The following ACSF3 variants were observed in gnomAD, a reference collection of about 807,000 sequenced individuals.
ACSF3 encodes the protein acyl-CoA synthetase family member 3.
In ACSF3, 78 loss-of-function variants were observed where a neutral mutation model predicts 53.2. That is an observed-to-expected ratio of 1.47 (90% CI 1.22 to 1.77). The LOEUF (loss-of-function observed/expected upper bound fraction) is 1.77, where lower values mean the gene tolerates loss of function less well. Ranked by LOEUF, ACSF3 falls within the 40% of genes most tolerant of loss-of-function variation. ACSF3 has a pLI of 0.00. For missense variants in ACSF3, 937 were observed against 771.1 expected (o/e 1.22, Z -2.55); for synonymous variants, 414 against 333.1 (o/e 1.24, Z -2.65).
intron 7 of ACSF3, among the ~76,000 whole-genome samples, chr16:89,124,091 T>TGAAC (rs1907370518): frequency 2.6e-4 from 1 of 3,888 alleles, no homozygotes; most frequent in African/African-American, 1.1e-3. Context: ...AGTGTGCGCA[T>TGAAC]GGGTATCACA....
In ACSF3 at chr16:89,154,109, G is replaced by T. The variant is rs911570704; in HGVS notation, c.1633G>T (p.Ala545Ser). 6.2e-7 allele frequency: 1 copy of T among 1,613,144 alleles called. No individual in the cohort carries two copies. The highest frequency in any genetic ancestry group is 8.5e-7 in the Non-Finnish European group (1 of 1,179,648). ...EWARNVLAPY[A>S]VPSELVLVEE... ...CTGCAGAAATGTCCTGGCCCCGTAC[G>T]CGGTGCCCTCGGAGCTGGTGCTGGT... Residue 545 changes from alanine (A) to serine (S), a missense_variant, in exon 11 of 11, where the codon GCG (alanine) becomes TCG (serine). Ala to Ser is a moderately conservative substitution (Grantham distance 99). Transcript: ENST00000614302.
At chr16:89,152,173 CCT>C (rs747449622) in intron 10 of ACSF3, 9 of 152,286 alleles carry the variant, frequency 5.9e-5, no homozygotes, top group South Asian at 2.1e-4. Flanking sequence ...GAGTTTGTCC[CCT>C]GTTAGAAACC....
At chr16:89,112,992 C>A (rs932989340) in intron 5 of ACSF3, among the ~76,000 whole-genome samples, 1 of 152,124 alleles carries the variant, frequency 6.6e-6, no homozygotes, top group African/African-American at 2.4e-5. Context: ...TTTGGGCCAC[C>A]CAGGGGCGTG....
At position 89,102,638 on chromosome 16, in the gene ACSF3, A is replaced by T. The variant is rs763367217; in HGVS notation, c.701A>T (p.Lys234Ile). The part of the protein sequence containing the change: ...TGLVHKWAWT[K>I]DDVILHVLPL... Reference sequence around the variant, plus strand: ...CTGGTCCACAAGTGGGCATGGACCAAAGACGACGTGATCCTCCACGTGCTC... The same window carrying T: ...CTGGTCCACAAGTGGGCATGGACCATAGACGACGTGATCCTCCACGTGCTC... Residue 234 changes from lysine to isoleucine, a missense_variant, in exon 4 of 11, where the codon AAA becomes ATA. Physicochemically the swap from Lys to Ile is moderately radical, Grantham distance 102. Transcript: ENST00000614302. The T allele has an allele frequency of 5.6e-6, 9 of 1,613,662 alleles. No individual in the cohort carries two copies. Among genetic ancestry groups the T allele is most frequent in the Non-Finnish European group, 7.6e-6 (9 of 1,180,024 alleles).
At position 89,155,204 on chromosome 16, in the gene ACSF3, C is replaced by A. The variant is rs1738124544; in HGVS notation, c.*997C>A. 1 of 454,172 alleles carries A rather than the reference C, an allele frequency of 2.2e-6. No individual in the cohort carries two copies. 28.1% of individuals were successfully genotyped at this position (454,172 alleles called of 1,614,324 possible). On this transcript the variant is annotated 3_prime_UTR_variant, in exon 11 of 11. Coordinates refer to ENST00000614302, the MANE Select transcript of ACSF3 (RefSeq NM_001243279.3). Reference sequence around the variant, plus strand: ...GACAATTTTCAGAAGAATAGGCTGCCTCCTCCCCACAGCCTGGGGGAAGTA... The same window carrying A: ...GACAATTTTCAGAAGAATAGGCTGCATCCTCCCCACAGCCTGGGGGAAGTA...
At chr16:89,103,595 G>A (rs1158250065) in intron 4 of ACSF3, among the ~76,000 whole-genome samples, 2 of 152,254 alleles carry the variant, frequency 1.3e-5, no homozygotes, top group Non-Finnish European at 1.5e-5. Flanking sequence ...TCCCACCACT[G>A]CGAGAGGTGA....
In ACSF3 at chr16:89,155,982, G is replaced by T. The variant is rs1914665116; in HGVS notation, c.*1775G>T. 4 of 361,188 alleles carry T rather than the reference G, an allele frequency of 1.1e-5. No individual in the cohort carries two copies. The highest frequency in any genetic ancestry group is 2.1e-5 in the South Asian group (1 of 46,656). 22.4% of individuals were successfully genotyped at this position (361,188 alleles called of 1,614,324 possible). On this transcript the variant is annotated 3_prime_UTR_variant, in exon 11 of 11. Transcript: ENST00000614302. ...GCTCGTTGACCACAAACTACAGAAA[G>T]CCTGGAGCTCGTTGACCAGCCGGTT...
intron 1 of ACSF3, among the ~76,000 whole-genome samples, chr16:89,096,096 G>A (rs1974584399): frequency 6.6e-6 from 1 of 152,096 alleles, no homozygotes; most frequent in Non-Finnish European, 1.5e-5. Context: ...GTTTTCAGTG[G>A]TTCCAGTACG....
At chr16:89,125,539 C>A (rs1235239370) in intron 7 of ACSF3, among the ~76,000 whole-genome samples, 1 of 151,424 alleles carries the variant, frequency 6.6e-6, no homozygotes, top group Non-Finnish European at 1.5e-5. Flanking sequence ...ACTGAAAATA[C>A]AGTTAGCCAG....
At chr16:89,124,521 ATG>A (rs530156001) in intron 7 of ACSF3, among the ~76,000 whole-genome samples, 163 of 151,204 alleles carry the variant, frequency 1.1e-3, no homozygotes, top group Non-Finnish European at 1.7e-3. Context: ...TGCTGCATGT[ATG>A]TGTGTGTGTT....
chr16:89,105,919 G>A (rs7342792), intron 4 of ACSF3, among the ~76,000 whole-genome samples: 3 of 152,230 alleles, frequency 2.0e-5, no homozygotes, highest in Non-Finnish European at 2.9e-5. Flanking sequence ...GCGCAGGCCA[G>A]CTGTCAAGGA....
chr16:89,109,589 T>G (rs1976446588), intron 4 of ACSF3, among the ~76,000 whole-genome samples: 1 of 151,862 alleles, frequency 6.6e-6, no homozygotes. Context: ...TTTTTTGTAT[T>G]TTTATAGAGA....
At position 89,112,392 on chromosome 16, in the gene ACSF3, G is replaced by GTCTCTACC. The variant is rs1270113848; in HGVS notation, c.977+153_977+160dup. ...GTTCCCTCTCTCTCTACCCGTCTCC[G>GTCTCTACC]TCTCTACCTCTCTAACTGTCTCTCT... is the stretch of plus-strand genomic sequence containing the variant. On this transcript the variant is annotated intron_variant, in intron 5 of 10. Transcript: ENST00000614302. 5 of 1,037,190 alleles carry GTCTCTACC rather than the reference G, an allele frequency of 4.8e-6. No homozygotes were observed. The African/African-American group carries it at 8.0e-5, about 17-fold the overall frequency. 64.2% of individuals were successfully genotyped at this position (1,037,190 alleles called of 1,614,324 possible). A position where few individuals can be genotyped will look rare whatever the true frequency, so the allele number is the denominator to read the frequency against.
intron 2 of ACSF3, among the ~76,000 whole-genome samples, chr16:89,099,780 TTAGA>T (rs144555049): frequency 7.3e-5 from 11 of 150,304 alleles, no homozygotes; most frequent in South Asian, 6.3e-4. Flanking sequence ...AGACTGCATC[TTAGA>T]TAGATAGATA....
chr16:89,136,245 T>C (rs1001582573), intron 8 of ACSF3, among the ~76,000 whole-genome samples: 1 of 152,264 alleles, frequency 6.6e-6, no homozygotes, highest in Non-Finnish European at 1.5e-5. Context: ...TCGCCAGTGC[T>C]GAGGCATGTT....
At chr16:89,150,775 C>G (rs999901104) in intron 10 of ACSF3, 2 of 359,306 alleles carry the variant, frequency 5.6e-6, no homozygotes, top group Non-Finnish European at 1.1e-5. Flanking sequence ...GCTGTCCAGG[C>G]CACTTGCTGT....
chr16:89,151,416 C>CCTG, intron 10 of ACSF3: 1 of 334,820 alleles, frequency 3.0e-6, no homozygotes, highest in South Asian at 2.4e-5. Flanking sequence ...CAGCACTACC[C>CCTG]TGAAATCAAA....
chr16:89,093,987 C>G lies in ACSF3; in HGVS notation c.-203C>G. On this transcript the variant is annotated 5_prime_UTR_variant, in exon 1 of 11. Coordinates refer to ENST00000614302, the MANE Select transcript of ACSF3 (RefSeq NM_001243279.3). ...GCAGATCCTGCCCCGTGGCCGCGGC[C>G]GTCTCGTAGGTGCGGGCGGCGGGGC... The G allele has an allele frequency of 4.4e-6, 1 of 224,736 alleles. No individual in the cohort carries two copies. Among genetic ancestry groups the G allele is most frequent in the Non-Finnish European group, 9.6e-6 (1 of 103,788 alleles). 13.9% of individuals were successfully genotyped at this position (224,736 alleles called of 1,614,324 possible).
At chr16:89,132,326 C>G (rs1909508504) in intron 7 of ACSF3, among the ~76,000 whole-genome samples, 2 of 152,182 alleles carry the variant, frequency 1.3e-5, no homozygotes, top group Admixed American at 6.5e-5. Flanking sequence ...ATCTGAAGCC[C>G]CTGCTCCTTC....
Sources: gnomAD v4.1 joint callset for allele counts (sites outside exome capture counted in the v4.1 genomes callset) on GRCh38, gnomAD v4.1.1 for gene constraint, MANE v1.5 for transcripts, NCBI Gene and HGNC (gene_info 2026-07-23, HGNC 2026-07-21) for gene names.